Variants in AGAP1 observed in about 807,000 individuals in gnomAD.
AGAP1 encodes arf-GAP with GTPase, ANK repeat and PH domain-containing protein 1.
AGAP1 carries 29 observed loss-of-function variants against 105.3 expected under a neutral mutation model. That is an observed-to-expected ratio of 0.28 (90% CI 0.21 to 0.38). The LOEUF (loss-of-function observed/expected upper bound fraction) is 0.38. Among genes scored for constraint, AGAP1 ranks in the 10% least tolerant of loss-of-function variants. The pLI, the probability that AGAP1 is intolerant of heterozygous loss-of-function variation, is 1.00. For missense variants in AGAP1, 998 were observed against 1,165.1 expected (o/e 0.86, Z 2.09); for synonymous variants, 509 against 485.9 (o/e 1.05, Z -0.63).
At chr2:235,829,680 A>G (rs1285916166) in intron 9 of AGAP1, among the ~76,000 whole-genome samples, 1 of 152,196 alleles carries the variant, frequency 6.6e-6, no homozygotes, top group African/African-American at 2.4e-5. Context: ...GTATTTCTAC[A>G]TCTTCTTTGT....
rs1957078852 is a variant in AGAP1, at chr2:235,793,179, G to C, written c.674-4580G>C. On this transcript the variant is annotated intron_variant, in intron 6 of 17. Coordinates refer to ENST00000304032, the MANE Select transcript of AGAP1 (RefSeq NM_001037131.3). This position sits in a 1 kb window ranked among gnomAD's most constrained non-coding sequence, Gnocchi z 5.3. Reference sequence around the variant, plus strand: ...ACCACTCCCAGTGACCATGGCAATGGCAGGCCCAGCCTAGGGATTGCAGAG... The same window carrying C: ...ACCACTCCCAGTGACCATGGCAATGCCAGGCCCAGCCTAGGGATTGCAGAG... Among the ~76,000 whole-genome samples, 1 of 152,134 alleles carries C rather than the reference G, an allele frequency of 6.6e-6. No individual in the cohort carries two copies. Among genetic ancestry groups the C allele is most frequent in the South Asian group, 2.1e-4 (1 of 4,828 alleles).
chr2:235,568,722 A>G (rs1474561705), intron 1 of AGAP1, among the ~76,000 whole-genome samples: 1 of 152,214 alleles, frequency 6.6e-6, no homozygotes, highest in South Asian at 2.1e-4. Context: ...AAGTCCTTAA[A>G]TGCATCCACA....
At position 235,494,664 on chromosome 2, in the gene AGAP1, G is replaced by C. The variant is rs1941228093; in HGVS notation, c.-23G>C. On this transcript the variant is annotated 5_prime_UTR_variant, in exon 1 of 18. Transcript: ENST00000304032. ...GGGCGGCGGCGGCGGGGGGCGCGCG[G>C]CTCCGGGCGCGGCGCCTGCACCATG... 2 of 1,048,336 alleles carry C rather than the reference G, an allele frequency of 1.9e-6. No homozygotes were observed. Among genetic ancestry groups the C allele is most frequent in the Admixed American group, 6.3e-5 (2 of 31,828 alleles). The allele number at this position is 1,048,336 out of a possible 1,614,324, so 64.9% of individuals were successfully genotyped here. A position where few individuals can be genotyped will look rare whatever the true frequency, so the allele number is the denominator to read the frequency against.
Position 235,981,913 on chromosome 2 carries a change from A to C in AGAP1, c.1645+13290A>C, listed in dbSNP as rs756425425. 6.6e-6 allele frequency among the ~76,000 whole-genome samples: 1 copy of C among 152,116 alleles called. No homozygotes were observed. Among genetic ancestry groups the C allele is most frequent in the Non-Finnish European group, 1.5e-5 (1 of 68,018 alleles). ...GTCTTTTCAGCGGTCTTGCCTCCGA[A>C]TCTTGGCTTGTCTAGGATTCTTCCT... On this transcript the variant is annotated intron_variant, in intron 13 of 17. Coordinates refer to ENST00000304032, the MANE Select transcript of AGAP1 (RefSeq NM_001037131.3). The surrounding 1 kb of genome is among the most constrained non-coding windows in gnomAD (Gnocchi z 5.5).
Position 235,813,112 on chromosome 2 carries a change from C to A in AGAP1, c.1050+5781C>A, listed in dbSNP as rs543280758. Among the ~76,000 whole-genome samples, 26 of 152,342 alleles carry A rather than the reference C, an allele frequency of 1.7e-4. No individual in the cohort carries two copies. In the South Asian group the frequency reaches 5.4e-3, roughly 32 times the overall value. On this transcript the variant is annotated intron_variant, in intron 9 of 17. Transcript: ENST00000304032. Reference sequence around the variant, plus strand: ...TCATTGCCAGAACAGTCCAGAATATCTGGAGGCCTACACGTGAAATGACAG... The same window carrying A: ...TCATTGCCAGAACAGTCCAGAATATATGGAGGCCTACACGTGAAATGACAG...
In AGAP1 at chr2:235,750,536, A is replaced by G; in HGVS notation, c.673+48A>G. 1 of 1,610,166 alleles carries G rather than the reference A, an allele frequency of 6.2e-7. No individual in the cohort carries two copies. Among genetic ancestry groups the G allele is most frequent in the Non-Finnish European group, 8.5e-7 (1 of 1,176,992 alleles). On this transcript the variant is annotated intron_variant, in intron 6 of 17. Transcript: ENST00000304032. The surrounding 1 kb of genome is among the most constrained non-coding windows in gnomAD (Gnocchi z 5.3). ...TTAATTTCAGTTCATGATAGACGGG[A>G]GGCACTTCAAGAAGTCAGTCCTGCC...
chr2:235,607,943 A>G (rs1946000660), intron 1 of AGAP1, among the ~76,000 whole-genome samples: 1 of 152,222 alleles, frequency 6.6e-6, no homozygotes, highest in African/African-American at 2.4e-5. Flanking sequence ...TGTTAGACCA[A>G]AAAAATGCAT....
In AGAP1 at chr2:235,963,428, T is replaced by C. The variant is rs2054267722; in HGVS notation, c.1484-5034T>C. 6.6e-6 allele frequency among the ~76,000 whole-genome samples: 1 copy of C among 152,190 alleles called. No homozygotes were observed. The highest frequency in any genetic ancestry group is 6.5e-5 in the Admixed American group (1 of 15,282). ...GTGCACATAGAAAAGGAAACAGATGTATTTGAACAGAGGTAGTTTATTAAA... is the reference window on the plus strand; with the variant it reads ...GTGCACATAGAAAAGGAAACAGATGCATTTGAACAGAGGTAGTTTATTAAA... On this transcript the variant is annotated intron_variant, in intron 12 of 17. Coordinates refer to ENST00000304032, the MANE Select transcript of AGAP1 (RefSeq NM_001037131.3). The surrounding 1 kb of genome is among the most constrained non-coding windows in gnomAD (Gnocchi z 5.1).
Position 235,572,976 on chromosome 2 carries a change from T to TTTCTTCTTC in AGAP1, c.163+78205_163+78213dup, listed in dbSNP as rs1172737406. Among the ~76,000 whole-genome samples, 65 of 104,052 alleles carry TTTCTTCTTC rather than the reference T, an allele frequency of 6.2e-4. 2 individuals are homozygous for TTTCTTCTTC. Among genetic ancestry groups the TTTCTTCTTC allele is most frequent in the South Asian group, 6.8e-4 (2 of 2,938 alleles). The allele number at this position is 104,052 out of a possible 152,430, so 68.3% of individuals were successfully genotyped here. On this transcript the variant is annotated intron_variant, in intron 1 of 17. Coordinates refer to ENST00000304032, the MANE Select transcript of AGAP1 (RefSeq NM_001037131.3). ...CAGACTCCCCGATTGCTCCATCTTTTTTCTTCTTCTTCTTCTTCTTCTTCT... is the reference window on the plus strand; with the variant it reads ...CAGACTCCCCGATTGCTCCATCTTTTTTCTTCTTCTTCTTCTTCTTCTTCTTCTTCTTCT...
rs373211401 is a variant in AGAP1 at position 236,061,859 on chromosome 2, G to C, written c.2114+12578G>C. ...ACACTTTTAAAGTGTGAATTTTATG[G>C]TATATAAATTATGTCAATTTTGAAA... On this transcript the variant is annotated intron_variant, in intron 16 of 17. Transcript: ENST00000304032. The surrounding 1 kb of genome is among the most constrained non-coding windows in gnomAD (Gnocchi z 4.1). 6.8e-4 allele frequency among the ~76,000 whole-genome samples: 102 copies of C among 149,640 alleles called. No individual in the cohort carries two copies. Among genetic ancestry groups the C allele is most frequent in the African/African-American group, 2.4e-3 (99 of 40,556 alleles).
intron 6 of AGAP1, among the ~76,000 whole-genome samples, chr2:235,764,106 G>A (rs555087706): frequency 2.0e-5 from 3 of 152,262 alleles, no homozygotes; most frequent in African/African-American, 7.2e-5. Flanking sequence ...GAACTTCCAC[G>A]GCAGAAGTGC....
chr2:235,997,610 T>C (rs2055875555), intron 13 of AGAP1, among the ~76,000 whole-genome samples: 1 of 152,206 alleles, frequency 6.6e-6, no homozygotes, highest in African/African-American at 2.4e-5. Flanking sequence ...GGGGACTGCA[T>C]ATGTTGATCC....
intron 1 of AGAP1, among the ~76,000 whole-genome samples, chr2:235,528,253 G>A (rs1467554475): frequency 1.3e-5 from 2 of 151,294 alleles, no homozygotes; most frequent in African/African-American, 2.4e-5. Context: ...ACCTGGCCAC[G>A]TGGTTGGCAT....
chr2:236,039,055 C>T (rs763985874), intron 14 of AGAP1, among the ~76,000 whole-genome samples: 15 of 152,146 alleles, frequency 9.9e-5, no homozygotes, highest in East Asian at 1.9e-4. Flanking sequence ...AGAATTCTTA[C>T]GCAAAAATCA....
rs1306765229 is a variant in AGAP1, at chr2:236,109,870, T to G, written c.2115-10322T>G. 6.6e-6 allele frequency among the ~76,000 whole-genome samples: 1 copy of G among 152,260 alleles called. No individual in the cohort carries two copies. Among genetic ancestry groups the G allele is most frequent in the East Asian group, 1.9e-4 (1 of 5,198 alleles). ...GGGGCACACCTCTAGATTCTTCCTC[T>G]GAAGCAAACCCTACCTAACCCTTCG... is the stretch of plus-strand genomic sequence containing the variant. On this transcript the variant is annotated intron_variant, in intron 16 of 17. Coordinates refer to ENST00000304032, the MANE Select transcript of AGAP1 (RefSeq NM_001037131.3). The surrounding 1 kb of genome is among the most constrained non-coding windows in gnomAD (Gnocchi z 5.4).
intron 1 of AGAP1, among the ~76,000 whole-genome samples, chr2:235,571,702 A>G (rs1303239087): frequency 6.6e-6 from 1 of 152,098 alleles, no homozygotes; most frequent in African/African-American, 2.4e-5. Context: ...GCTTGCTGAA[A>G]GGGAAGAGGC....
chr2:235,670,258 G>T (rs150904761), intron 1 of AGAP1: 6,954 of 509,436 alleles, frequency 0.014, 301 homozygotes, highest in African/African-American at 0.1. Flanking sequence ...ACCCACGCCC[G>T]GTTCGGCGGC....
At chr2:235,998,104 A>G (rs1559175526) in intron 13 of AGAP1, among the ~76,000 whole-genome samples, 1 of 152,170 alleles carries the variant, frequency 6.6e-6, no homozygotes. Flanking sequence ...GGATATTTAA[A>G]ACAATAACCA....
intron 16 of AGAP1, among the ~76,000 whole-genome samples, chr2:236,071,414 A>C (rs1213696939): frequency 1.3e-5 from 2 of 152,130 alleles, no homozygotes; most frequent in Non-Finnish European, 2.9e-5. Context: ...AGCCCACCCA[A>C]GGGACTGTGA....
Sources: allele counts gnomAD v4.1 joint callset (sites outside exome capture counted in the v4.1 genomes callset), GRCh38; gene constraint gnomAD v4.1.1; non-coding constraint Gnocchi (gnomAD v3.1); transcripts MANE v1.5; gene names NCBI Gene and HGNC (gene_info 2026-07-23, HGNC 2026-07-21).